The following AGK variants were observed in gnomAD, a reference collection of about 807,000 sequenced individuals.
AGK encodes acylglycerol kinase.
A neutral mutation model predicts 66.4 loss-of-function variants in AGK; 52 were observed. The ratio of observed to expected loss-of-function variants is 0.78; its 90% confidence interval spans 0.63 to 0.99. The LOEUF is 0.99. Among genes scored for constraint, AGK ranks in the 50% least tolerant of loss-of-function variants. AGK has a pLI of 0.00. For synonymous variants in AGK, 182 were observed against 181.1 expected (o/e 1.00, Z -0.04); for missense variants, 451 against 506.6 (o/e 0.89, Z 1.05).
At chr7:141,562,929 C>G (rs780980688) in intron 2 of AGK, among the ~76,000 whole-genome samples, 7 of 152,210 alleles carry the variant, frequency 4.6e-5, no homozygotes, top group Non-Finnish European at 7.3e-5. Flanking sequence ...GCTGCTTCTA[C>G]TTTTTTATTT....
intron 8 of AGK, among the ~76,000 whole-genome samples, chr7:141,616,902 C>T (rs954687529): frequency 3.9e-5 from 6 of 151,952 alleles, no homozygotes; most frequent in African/African-American, 1.2e-4. Context: ...GGACTACAGG[C>T]GCCCGCCACC....
At chr7:141,603,210 T>C (rs1475757068) in intron 5 of AGK, among the ~76,000 whole-genome samples, 2 of 152,324 alleles carry the variant, frequency 1.3e-5, no homozygotes, top group South Asian at 4.1e-4. Context: ...GTTTTAACTA[T>C]ATAAATTCTC....
At chr7:141,573,843 T>A (rs1458555684) in intron 2 of AGK, among the ~76,000 whole-genome samples, 1 of 152,236 alleles carries the variant, frequency 6.6e-6, no homozygotes, top group South Asian at 2.1e-4. Context: ...ATTATTATTA[T>A]ACTTTAAGTT....
intron 8 of AGK, among the ~76,000 whole-genome samples, chr7:141,620,980 A>G (rs1040995646): frequency 2.6e-4 from 40 of 152,202 alleles, no homozygotes; most frequent in African/African-American, 9.6e-4. Context: ...GAAAAAGCCA[A>G]TTCCAGCCTA....
chr7:141,556,312 T>C (rs1795209204), intron 2 of AGK, among the ~76,000 whole-genome samples: 1 of 152,042 alleles, frequency 6.6e-6, no homozygotes, highest in Non-Finnish European at 1.5e-5. Context: ...TATGGGAGGC[T>C]GAGGCAGGTG....
intron 1 of AGK, among the ~76,000 whole-genome samples, chr7:141,554,006 A>ATC (rs1795155657): frequency 1.3e-5 from 2 of 152,170 alleles, no homozygotes; most frequent in Non-Finnish European, 2.9e-5. Flanking sequence ...AAAAATAAAC[A>ATC]TCACCCACCA....
At chr7:141,614,120 A>T in intron 6 of AGK, 26 bp from the exon 7 acceptor site, 1 of 1,469,526 alleles carries the variant, frequency 6.8e-7, no homozygotes, top group Non-Finnish European at 9.4e-7. Flanking sequence ...ATTATTTATA[A>T]CAATGTTTTA....
At chr7:141,611,025 A>G (rs937306539) in intron 5 of AGK, among the ~76,000 whole-genome samples, 170 bp from the exon 6 acceptor site, 2 of 152,228 alleles carry the variant, frequency 1.3e-5, no homozygotes, top group Non-Finnish European at 2.9e-5. Flanking sequence ...GTAAAACTGT[A>G]ACGACTATAC....
intron 2 of AGK, among the ~76,000 whole-genome samples, chr7:141,560,566 C>T (rs569583035): frequency 2.0e-5 from 3 of 151,966 alleles, no homozygotes; most frequent in Non-Finnish European, 2.9e-5. Context: ...ACCCGTTACC[C>T]GAGCAGCGTA....
intron 5 of AGK, among the ~76,000 whole-genome samples, chr7:141,603,132 G>A (rs972728289): frequency 1.3e-5 from 2 of 152,090 alleles, no homozygotes; most frequent in African/African-American, 4.8e-5. Flanking sequence ...TTCTATATAT[G>A]TTCATTAAGT....
At chr7:141,592,119 A>G (rs1359678429) in intron 2 of AGK, among the ~76,000 whole-genome samples, 1 of 152,222 alleles carries the variant, frequency 6.6e-6, no homozygotes, top group East Asian at 1.9e-4. Context: ...CAGGATATGT[A>G]TATTAGTTTT....
At chr7:141,648,363 T>C (rs1323589434) in intron 13 of AGK, among the ~76,000 whole-genome samples, 1 of 152,222 alleles carries the variant, frequency 6.6e-6, no homozygotes, top group Non-Finnish European at 1.5e-5. Context: ...CCAAGCTCCG[T>C]GGGTTCATGG....
intron 2 of AGK, among the ~76,000 whole-genome samples, chr7:141,574,198 A>C (rs1265374226): frequency 1.3e-5 from 2 of 152,190 alleles, no homozygotes; most frequent in Non-Finnish European, 2.9e-5. Context: ...AAGTGACTGG[A>C]CCATGAAAGA....
intron 2 of AGK, among the ~76,000 whole-genome samples, chr7:141,581,213 G>T (rs1265209645): frequency 1.3e-5 from 2 of 151,928 alleles, no homozygotes; most frequent in African/African-American, 4.9e-5. Context: ...TACAGCCCAG[G>T]TAATTTGCTG....
rs1432988918 is a variant in AGK at position 141,556,464 on chromosome 7, C to T, written c.101+897C>T. On this transcript the variant is annotated intron_variant, in intron 2 of 15. Transcript: ENST00000649286. ...GCTGAGGCAGGAGAATCGCTTGAGC[C>T]TGGGAGGTGGAGGTTGTGGTGATCC... Among the ~76,000 whole-genome samples the T allele has an allele frequency of 2.0e-5, 3 of 151,174 alleles. No individual in the cohort carries two copies. In the South Asian group the frequency reaches 6.3e-4, roughly 32 times the overall value.
intron 14 of AGK, chr7:141,650,395 A>T: frequency 4.4e-6 from 2 of 456,400 alleles, no homozygotes; most frequent in Non-Finnish European, 2.9e-6. Flanking sequence ...CCCCAATTCT[A>T]TTGCTAAGGT....
chr7:141,627,168 G>A (rs1426356510), intron 9 of AGK, among the ~76,000 whole-genome samples: 1 of 152,164 alleles, frequency 6.6e-6, no homozygotes, highest in Non-Finnish European at 1.5e-5. Flanking sequence ...AGAAGGTCCA[G>A]TAGCTGTTGT....
chr7:141,624,694 G>A lies in AGK; in HGVS notation c.588+2893G>A, dbSNP rs184173041. Among the ~76,000 whole-genome samples the A allele has an allele frequency of 2.8e-4, 42 of 152,316 alleles. No homozygotes were observed. The East Asian group carries it at 5.4e-3, about 20-fold the overall frequency. ...GGATGAAGAGTTGTTTCTTATGGAT[G>A]AGCAAAGAAAGTGATTTCTTGACAT... On this transcript the variant is annotated intron_variant, in intron 9 of 15. Coordinates refer to ENST00000649286, the MANE Select transcript of AGK (RefSeq NM_018238.4).
intron 14 of AGK, chr7:141,650,793 C>T: frequency 1.8e-6 from 1 of 544,478 alleles, no homozygotes; most frequent in Non-Finnish European, 2.3e-6. Context: ...GGACCTCCCT[C>T]AGATACCAAA....
Sources: gnomAD v4.1 joint callset for allele counts (sites outside exome capture counted in the v4.1 genomes callset) on GRCh38, gnomAD v4.1.1 for gene constraint, MANE v1.5 for transcripts, NCBI Gene and HGNC (gene_info 2026-07-23, HGNC 2026-07-21) for gene names.